The following SEC14L6 variants were observed in gnomAD, a reference collection of about 807,000 sequenced individuals.
SEC14L6 encodes SEC14-like protein 6.
A neutral mutation model predicts 54.1 loss-of-function variants in SEC14L6; 40 were observed. The ratio of observed to expected loss-of-function variants is 0.74; its 90% CI spans 0.57 to 0.96. The LOEUF (loss-of-function observed/expected upper bound fraction) is 0.96. Ranked by LOEUF, SEC14L6 falls within the 40% of genes least tolerant of loss-of-function variation. SEC14L6 has a pLI of 0.00. For missense variants in SEC14L6, 471 were observed against 498.3 expected (o/e 0.95, Z 0.52); for synonymous variants, 171 against 198.4 (o/e 0.86, Z 1.16).
At position 30,525,413 on chromosome 22, in the gene SEC14L6, G is replaced by A. The variant is rs1243859877; in HGVS notation, c.1018C>T (p.Gln340Ter). 1.9e-6 allele frequency: 3 copies of A among 1,614,084 alleles called. No homozygotes were observed. Among genetic ancestry groups the A allele is most frequent in the Admixed American group, 3.3e-5 (2 of 60,000 alleles). The change falls in exon 11 of 12, where the codon CAG becomes TAG. Residue 340 changes from glutamine to a stop codon, truncating the protein, a stop_gained. Transcript: ENST00000402034. LOFTEE classifies it high-confidence loss of function. ...GGCACCATGTGGGCATTGTAGCGCT[G>A]GCTGGGCAGCACCTCTGTCATCTCC... ...AREMTEVLPS[Q>*]RYNAHMVPED... is the part of the protein sequence containing the mutation.
At chr22:30,539,384 A>G (rs976441480) in intron 1 of SEC14L6, among the ~76,000 whole-genome samples, 1 of 152,226 alleles carries the variant, frequency 6.6e-6, no homozygotes, top group African/African-American at 2.4e-5. Context: ...TCTCAAAAAA[A>G]AAGAACCTAC....
chr22:30,530,558 G>A (rs920530895), intron 6 of SEC14L6, among the ~76,000 whole-genome samples: 5 of 152,018 alleles, frequency 3.3e-5, no homozygotes, highest in Admixed American at 2.0e-4. Flanking sequence ...ACACCACTAC[G>A]CCCAGCGAAT....
Position 30,538,822 on chromosome 22 carries a change from C to T in SEC14L6, c.130+5G>A. ...CCCTACCCCAGCCCCACGCTCTATC[C>T]TTACCTTGGAGCCAGCGCAGGAGGA... On this transcript the variant is annotated splice_donor_5th_base_variant and intron_variant, in intron 2 of 11. Transcript: ENST00000402034. 6.4e-7 allele frequency: 1 copy of T among 1,552,794 alleles called. No individual in the cohort carries two copies. Among genetic ancestry groups the T allele is most frequent in the South Asian group, 1.2e-5 (1 of 84,160 alleles).
intron 2 of SEC14L6, among the ~76,000 whole-genome samples, chr22:30,537,910 T>C (rs1256501509): frequency 1.3e-5 from 2 of 152,188 alleles, no homozygotes; most frequent in African/African-American, 2.4e-5. Flanking sequence ...TCTCATAACA[T>C]GAAATGTTGC....
intron 6 of SEC14L6, among the ~76,000 whole-genome samples, 190 bp from the exon 7 acceptor site, chr22:30,529,539 G>A (rs916059722): frequency 2.6e-5 from 4 of 152,106 alleles, no homozygotes; most frequent in Non-Finnish European, 5.9e-5. Flanking sequence ...TGCCACTTCT[G>A]GTTTGTTGGA....
chr22:30,546,607 A>G, intron 1 of SEC14L6, 22 bp downstream of exon 1: 2 of 1,547,680 alleles, frequency 1.3e-6, no homozygotes, highest in Non-Finnish European at 1.7e-6. Context: ...AGGCTGGTGT[A>G]GGAGTCTCTC....
chr22:30,546,696 G>A lies in SEC14L6; in HGVS notation c.-14C>T, dbSNP rs150121401. On this transcript the variant is annotated 5_prime_UTR_variant, in exon 1 of 12. Coordinates refer to ENST00000402034, the MANE Select transcript of SEC14L6 (RefSeq NM_001193336.4). Reference sequence around the variant, plus strand: ...TTGTCCACTCATGCTGCCCATGAATGGGTCCAGGCTCCACTCTGTGGCTCC... The same window carrying A: ...TTGTCCACTCATGCTGCCCATGAATAGGTCCAGGCTCCACTCTGTGGCTCC... The A allele has an allele frequency of 3.1e-3, 4,852 of 1,550,092 alleles. 37 individuals are homozygous for A. The highest frequency in any genetic ancestry group is 0.026 in the African/African-American group (1,910 of 73,130).
chr22:30,539,000 G>A (rs974862448), intron 1 of SEC14L6, 98 bp from the exon 2 acceptor site: 1 of 787,926 alleles, frequency 1.3e-6, no homozygotes, highest in African/African-American at 1.7e-5. Flanking sequence ...GAGTGAAGAG[G>A]TCCCACTCGG....
At chr22:30,535,201 G>A (rs190870722) in intron 2 of SEC14L6, among the ~76,000 whole-genome samples, 212 of 152,298 alleles carry the variant, frequency 1.4e-3, no homozygotes, top group African/African-American at 4.6e-3. Context: ...CCCAGTGGAT[G>A]TTATAAACAA....
Position 30,529,126 on chromosome 22 carries a change from T to C in SEC14L6, c.625A>G (p.Met209Val), listed in dbSNP as rs911405863. The change falls in exon 8 of 12, where the codon ATG becomes GTG. Residue 209 changes from methionine (M) to valine (V), a missense_variant. Met to Val is a conservative substitution (Grantham distance 21). Coordinates refer to ENST00000402034, the MANE Select transcript of SEC14L6 (RefSeq NM_001193336.4). ...ACCTTCCTGCGTGTCTCTTCACTCA[T>C]GTAAGACTTGACCAGGTTGAAGGCT... ...AVAFNLVKSY[M>V]SEETRRKVVI... 6 of 1,550,860 alleles carry C rather than the reference T, an allele frequency of 3.9e-6. No individual in the cohort carries two copies. The highest frequency in any genetic ancestry group is 2.4e-5 in the East Asian group (1 of 40,902).
chr22:30,527,278 A>G (rs1358150507), intron 8 of SEC14L6, among the ~76,000 whole-genome samples: 1 of 152,060 alleles, frequency 6.6e-6, no homozygotes, highest in Non-Finnish European at 1.5e-5. Flanking sequence ...CATAAAAAAT[A>G]CTTTCCTAGA....
chr22:30,536,299 T>C (rs1394150832), intron 2 of SEC14L6, among the ~76,000 whole-genome samples: 3 of 152,142 alleles, frequency 2.0e-5, no homozygotes, highest in African/African-American at 7.2e-5. Context: ...TCTGCAATAG[T>C]AGGAGCAGGT....
At chr22:30,543,489 T>G in intron 1 of SEC14L6, 1 of 1,612,694 alleles carries the variant, frequency 6.2e-7, no homozygotes, top group Non-Finnish European at 8.5e-7. Flanking sequence ...AGAACAAGGA[T>G]GGCACCTACA....
intron 1 of SEC14L6, chr22:30,542,968 T>C: frequency 6.2e-7 from 1 of 1,601,096 alleles, no homozygotes. Context: ...TGACGTGGAG[T>C]TGAAGTCTGG....
At chr22:30,527,602 C>A (rs1193763638) in intron 8 of SEC14L6, among the ~76,000 whole-genome samples, 1 of 150,426 alleles carries the variant, frequency 6.6e-6, no homozygotes, top group East Asian at 2.0e-4. Context: ...GTAGTCACAG[C>A]TACTTGGGAG....
chr22:30,540,204 G>A (rs1345847468), intron 1 of SEC14L6, among the ~76,000 whole-genome samples: 5 of 152,132 alleles, frequency 3.3e-5, no homozygotes, highest in South Asian at 2.1e-4. Flanking sequence ...ATACCAATTC[G>A]CTAAGTGAGG....
At chr22:30,545,695 G>A (rs1415406283) in intron 1 of SEC14L6, among the ~76,000 whole-genome samples, 1 of 152,040 alleles carries the variant, frequency 6.6e-6, no homozygotes, top group African/African-American at 2.4e-5. Flanking sequence ...CAAAGTGCGG[G>A]GATTATAGGC....
intron 2 of SEC14L6, among the ~76,000 whole-genome samples, chr22:30,538,568 T>A (rs1034044874): frequency 1.3e-5 from 2 of 152,122 alleles, no homozygotes; most frequent in Non-Finnish European, 1.5e-5. Flanking sequence ...TGGAAGCAGA[T>A]CCTCCTGTCC....
chr22:30,538,608 G>A (rs187216025), intron 2 of SEC14L6, among the ~76,000 whole-genome samples: 4 of 152,284 alleles, frequency 2.6e-5, no homozygotes, highest in Non-Finnish European at 4.4e-5. Context: ...CTGCATCCCC[G>A]ATGGGTATCT....
Sources: gnomAD v4.1 joint callset for allele counts (sites outside exome capture counted in the v4.1 genomes callset) on GRCh38, gnomAD v4.1.1 for gene constraint, MANE v1.5 for transcripts, NCBI Gene and HGNC (gene_info 2026-07-23, HGNC 2026-07-21) for gene names.